The following IRAK1BP1 variants were observed in gnomAD, a reference collection of about 807,000 sequenced individuals.
IRAK1BP1 encodes the protein interleukin 1 receptor associated kinase 1 binding protein 1.
In IRAK1BP1, 24 loss-of-function variants were observed where a neutral mutation model predicts 28.0. The observed-to-expected ratio is 0.86, with a 90% CI of 0.62 to 1.20. The LOEUF is 1.20. Ranked by LOEUF, IRAK1BP1 falls within the 50% of genes most tolerant of loss-of-function variation. IRAK1BP1 has a pLI of 0.00. For synonymous variants in IRAK1BP1, 131 were observed against 116.3 expected, an observed-to-expected ratio of 1.13 and a Z score of -0.81; for missense variants, 336 against 316.7, an observed-to-expected ratio of 1.06 and a Z score of -0.46.
intron 1 of IRAK1BP1, among the ~76,000 whole-genome samples, chr6:78,878,914 A>G (rs1439027022): frequency 6.6e-6 from 1 of 152,226 alleles, no homozygotes; most frequent in Non-Finnish European, 1.5e-5. Flanking sequence ...GTGGAAGATC[A>G]AATGAATGAA....
chr6:78,885,021 C>A lies in IRAK1BP1; in HGVS notation c.316-357C>A, dbSNP rs546277410. Among the ~76,000 whole-genome samples, 122 of 152,022 alleles carry A rather than the reference C, an allele frequency of 8.0e-4. 1 individual carries two copies. The highest frequency in any genetic ancestry group is 8.3e-4 in the Non-Finnish European group (56 of 67,878). Reference sequence around the variant, plus strand: ...ATTTCTTTTTAGATAAAAAGCAAATCAAGTCATAACATAAAGGATTTGAAA... The same window carrying A: ...ATTTCTTTTTAGATAAAAAGCAAATAAAGTCATAACATAAAGGATTTGAAA... On this transcript the variant is annotated intron_variant, in intron 1 of 3. Coordinates refer to ENST00000369940, the MANE Select transcript of IRAK1BP1 (RefSeq NM_001010844.4).
intron 4 of IRAK1BP1, among the ~76,000 whole-genome samples, chr6:78,918,545 T>C (rs1277781310): frequency 1.3e-5 from 1 of 76,224 alleles, no homozygotes; most frequent in Non-Finnish European, 2.6e-5. Flanking sequence ...ATGGTTGTTA[T>C]ATCAGATAAA....
intron 1 of IRAK1BP1, among the ~76,000 whole-genome samples, chr6:78,869,563 C>A (rs894884608): frequency 2.6e-5 from 4 of 152,078 alleles, no homozygotes; most frequent in Admixed American, 6.5e-5. Flanking sequence ...TTAGAGTAAT[C>A]AAGATTCAGT....
intron 1 of IRAK1BP1, among the ~76,000 whole-genome samples, chr6:78,873,353 A>C (rs1243261768): frequency 6.7e-6 from 1 of 149,250 alleles, no homozygotes; most frequent in Non-Finnish European, 1.5e-5. Flanking sequence ...CTTAGTTTAT[A>C]GTATTGAACT....
At position 78,891,250 on chromosome 6, in the gene IRAK1BP1, A is replaced by T. The variant is rs142900291; in HGVS notation, c.381+5807A>T. ...AAGAAAAGAAATGCAATCATAGTAC[A>T]CTATATTGTTCAGCTGTAAACAATC... On this transcript the variant is annotated intron_variant, in intron 2 of 3. Coordinates refer to ENST00000369940, the MANE Select transcript of IRAK1BP1 (RefSeq NM_001010844.4). Among the ~76,000 whole-genome samples, 97 of 152,328 alleles carry T rather than the reference A, an allele frequency of 6.4e-4. 1 individual carries two copies. The South Asian group carries it at 8.1e-3, about 13-fold the overall frequency.
chr6:78,920,599 C>G (rs1221328439), intron 4 of IRAK1BP1, among the ~76,000 whole-genome samples: 3 of 152,114 alleles, frequency 2.0e-5, no homozygotes, highest in African/African-American at 7.2e-5. Flanking sequence ...AGGTTGAAAC[C>G]AGGCTCATTC....
At chr6:78,972,826 GA>G in the IRAK1BP1 span, among the ~76,000 whole-genome samples, 33 of 152,094 alleles carry the variant, frequency 2.2e-4, no homozygotes, top group Non-Finnish European at 3.7e-4. Flanking sequence ...GAAGTTTAGA[GA>G]AAAAAACAAT....
intron 4 of IRAK1BP1, among the ~76,000 whole-genome samples, chr6:78,928,065 C>T (rs1226550680): frequency 6.6e-6 from 1 of 152,012 alleles, no homozygotes; most frequent in Non-Finnish European, 1.5e-5. Context: ...TTTGCTGTTT[C>T]TGTGGGGAAT....
intron 1 of IRAK1BP1, among the ~76,000 whole-genome samples, chr6:78,875,101 C>G (rs539439654): frequency 2.2e-3 from 329 of 152,244 alleles, no homozygotes; most frequent in African/African-American, 7.6e-3. Flanking sequence ...CAAAAGAAAC[C>G]ATACAAGCAG....
intron 1 of IRAK1BP1, among the ~76,000 whole-genome samples, chr6:78,880,898 G>A (rs955555172): frequency 2.0e-5 from 3 of 152,174 alleles, no homozygotes; most frequent in African/African-American, 4.8e-5. Flanking sequence ...AGGATACAGA[G>A]CAACAGGAAT....
At chr6:78,891,753 T>C (rs999890927) in intron 2 of IRAK1BP1, among the ~76,000 whole-genome samples, 2 of 152,300 alleles carry the variant, frequency 1.3e-5, no homozygotes, top group Admixed American at 1.3e-4. Context: ...TGAGCCACCG[T>C]GCCCAGCCTA....
At chr6:78,905,023 A>G (rs1235743030), downstream of IRAK1BP1, among the ~76,000 whole-genome samples, 1 of 152,170 alleles carries the variant, frequency 6.6e-6, no homozygotes, top group Non-Finnish European at 1.5e-5. Context: ...CAAACCACAA[A>G]ATTCAGCATA....
intron 2 of IRAK1BP1, among the ~76,000 whole-genome samples, chr6:78,896,795 A>G (rs1771900043): frequency 6.7e-6 from 1 of 150,266 alleles, no homozygotes; most frequent in African/African-American, 2.4e-5. Context: ...ACTGCACTCC[A>G]GCCAGGAAAA....
At chr6:78,923,922 T>C (rs1341930282) in intron 4 of IRAK1BP1, among the ~76,000 whole-genome samples, 2 of 152,148 alleles carry the variant, frequency 1.3e-5, no homozygotes, top group Middle Eastern at 3.4e-3. Flanking sequence ...CAAAGCAGTG[T>C]GTAGAGGGAA....
downstream of IRAK1BP1, among the ~76,000 whole-genome samples, chr6:78,947,269 C>T (rs1773872551): frequency 6.6e-6 from 1 of 152,142 alleles, no homozygotes; most frequent in African/African-American, 2.4e-5. Context: ...CATGTCTGGT[C>T]AGAGTGTTAA....
intron 1 of IRAK1BP1, chr6:78,871,786 G>A (rs1770801420): frequency 6.1e-6 from 2 of 329,228 alleles, no homozygotes; most frequent in African/African-American, 2.2e-5. Context: ...ACAGGATGTT[G>A]CTTCTTTATT....
At position 78,890,288 on chromosome 6, in the gene IRAK1BP1, G is replaced by A. The variant is rs186740031; in HGVS notation, c.381+4845G>A. Among the ~76,000 whole-genome samples the A allele has an allele frequency of 4.6e-5, 7 of 151,588 alleles. No individual in the cohort carries two copies. In the East Asian group the frequency reaches 1.4e-3, roughly 30 times the overall value. ...CCTGTCAGGGGGTGGGGGGCTAGGG[G>A]AGGGATAGCATTAGGAGAAATACCT... On this transcript the variant is annotated intron_variant, in intron 2 of 3. Transcript: ENST00000369940.
intron 4 of IRAK1BP1, among the ~76,000 whole-genome samples, chr6:78,919,759 T>C (rs1772668261): frequency 6.6e-6 from 1 of 152,242 alleles, no homozygotes; most frequent in Admixed American, 6.5e-5. Context: ...TTCTACCTGA[T>C]GTACAAAGTA....
intron 2 of IRAK1BP1, among the ~76,000 whole-genome samples, chr6:78,893,292 A>ATGTGTG (rs1189252490): frequency 1.3e-5 from 1 of 76,750 alleles, no homozygotes; most frequent in African/African-American, 3.7e-5. Flanking sequence ...GTGTGTATAT[A>ATGTGTG]TGTGTGTGTG....
Sources: gnomAD v4.1 joint callset for allele counts (sites outside exome capture counted in the v4.1 genomes callset) on GRCh38, gnomAD v4.1.1 for gene constraint, MANE v1.5 for transcripts, NCBI Gene and HGNC (gene_info 2026-07-23, HGNC 2026-07-21) for gene names.